The following HCLS1 variants were observed in gnomAD, a reference collection of about 807,000 sequenced individuals.
HCLS1 encodes the protein hematopoietic cell-specific Lyn substrate 1, also known as hematopoietic lineage cell-specific protein.
Under a neutral mutation model 68.6 loss-of-function variants are expected in HCLS1, and 44 were observed. The observed-to-expected ratio is 0.64, with a 90% confidence interval of 0.50 to 0.82. HCLS1 has a LOEUF of 0.82. Ranked by LOEUF, HCLS1 falls within the 40% of genes least tolerant of loss-of-function variation. HCLS1 has a pLI of 0.00. For missense variants in HCLS1, 602 were observed against 612.1 expected (o/e 0.98, Z 0.17); for synonymous variants, 217 against 225.8 (o/e 0.96, Z 0.35).
intron 8 of HCLS1, 35 bp from the exon 9 acceptor site, chr3:121,635,839 G>A (rs1560137746): frequency 6.3e-7 from 1 of 1,582,784 alleles, no homozygotes; most frequent in East Asian, 2.2e-5. Flanking sequence ...TGTTGCGGGA[G>A]AGGGGCAAGG....
At chr3:121,632,311 G>C in intron 12 of HCLS1, 21 bp downstream of exon 12, 3 of 1,611,476 alleles carry the variant, frequency 1.9e-6, no homozygotes, top group Non-Finnish European at 2.5e-6. Flanking sequence ...AAATTCTCCT[G>C]CTTCTCCTCC....
At chr3:121,657,660 A>T (rs11720859) in intron 2 of HCLS1, among the ~76,000 whole-genome samples, 33,412 of 151,868 alleles carry the variant, frequency 0.22, 4,214 homozygotes, top group Non-Finnish European at 0.29. Context: ...TACCAAAAAA[A>T]TACAAAAATT....
chr3:121,644,977 A>G (rs2049232896), intron 4 of HCLS1, 49 bp from the exon 5 acceptor site: 1 of 1,402,516 alleles, frequency 7.1e-7, no homozygotes. Flanking sequence ...AATGACCTTA[A>G]AAAAATAAAT....
chr3:121,644,560 C>T (rs1329789150), intron 5 of HCLS1: 9 of 593,812 alleles, frequency 1.5e-5, no homozygotes, highest in African/African-American at 1.3e-4. Flanking sequence ...AAACCAGTGG[C>T]TTGAGGAATT....
intron 2 of HCLS1, chr3:121,657,996 A>C (rs1576222928): frequency 2.4e-6 from 1 of 416,080 alleles, no homozygotes; most frequent in Non-Finnish European, 4.4e-6. Flanking sequence ...ACCCAGGTTC[A>C]CCTGCTTCTC....
At chr3:121,655,365 C>T (rs944923149) in intron 3 of HCLS1, 5 of 151,574 alleles carry the variant, frequency 3.3e-5, no homozygotes. Context: ...CTAAGTACTG[C>T]ATTAGACATT....
chr3:121,644,972 C>A (rs1351081399), intron 4 of HCLS1, 44 bp from the exon 5 acceptor site: 2 of 1,453,992 alleles, frequency 1.4e-6, no homozygotes, highest in East Asian at 2.3e-5. Flanking sequence ...ATAAAAATGA[C>A]CTTAAAAAAA....
intron 6 of HCLS1, among the ~76,000 whole-genome samples, chr3:121,637,935 C>CAA (rs879943041): frequency 2.6e-5 from 3 of 116,488 alleles, no homozygotes; most frequent in South Asian, 2.6e-4. Flanking sequence ...GACTCCATCT[C>CAA]AAAAAAAAAA....
At chr3:121,644,599 T>G (rs1412064996) in intron 5 of HCLS1, 1 of 668,724 alleles carries the variant, frequency 1.5e-6, no homozygotes, top group South Asian at 1.5e-5. Context: ...TTTGAGAGTC[T>G]TCTCCTATTT....
At chr3:121,633,472 T>C (rs2049119738) in intron 10 of HCLS1, among the ~76,000 whole-genome samples, 1 of 152,242 alleles carries the variant, frequency 6.6e-6, no homozygotes, top group Non-Finnish European at 1.5e-5. Flanking sequence ...TCTGTCTGCC[T>C]TGACCTCCCA....
intron 6 of HCLS1, among the ~76,000 whole-genome samples, chr3:121,638,462 C>T (rs1422531274): frequency 2.6e-5 from 4 of 152,096 alleles, no homozygotes; most frequent in Non-Finnish European, 5.9e-5. Context: ...AAGCCAGAAA[C>T]GAAGCTCTGT....
intron 3 of HCLS1, chr3:121,654,136 C>T (rs1937811430): frequency 6.6e-6 from 1 of 152,348 alleles, no homozygotes; most frequent in Non-Finnish European, 1.5e-5. Context: ...CCTATGGTCC[C>T]CTGCTCCTGG....
intron 5 of HCLS1, chr3:121,644,553 C>A (rs909822392): frequency 1.2e-5 from 7 of 573,388 alleles, no homozygotes; most frequent in South Asian, 1.1e-4. Context: ...ATAATAAAAA[C>A]CAGTGGCTTG....
intron 3 of HCLS1, chr3:121,654,115 T>G (rs531638081): frequency 6.6e-5 from 10 of 152,498 alleles, no homozygotes; most frequent in Admixed American, 2.0e-4. Flanking sequence ...AGTTCACCCC[T>G]TCTTAGGCAA....
intron 10 of HCLS1, among the ~76,000 whole-genome samples, chr3:121,633,517 C>T (rs1364454413): frequency 1.3e-5 from 2 of 149,858 alleles, no homozygotes; most frequent in East Asian, 2.0e-4. Context: ...CCACCACGCT[C>T]GGCCCATCTT....
At chr3:121,632,656 C>T (rs1213906606) in intron 11 of HCLS1, 93 bp from the exon 12 acceptor site, 12 of 1,036,124 alleles carry the variant, frequency 1.2e-5, no homozygotes, top group Non-Finnish European at 1.4e-5. Flanking sequence ...ACCACCCTGC[C>T]TCTTCTCCCC....
chr3:121,649,633 T>A (rs911290097), intron 3 of HCLS1, among the ~76,000 whole-genome samples: 1 of 152,170 alleles, frequency 6.6e-6, no homozygotes, highest in African/African-American at 2.4e-5. Context: ...ACAAAAATGT[T>A]TTATGTATGG....
chr3:121,657,179 A>ACCCTATCCTTTTCCTCCCTCACCTT, intron 3 of HCLS1, 100 bp downstream of exon 3: 1 of 913,976 alleles, frequency 1.1e-6, no homozygotes. Flanking sequence ...GACATGAACT[A>ACCCTATCCTTTTCCTCCCTCACCTT]CCCTATCCTT....
In HCLS1 at chr3:121,647,197, G is replaced by A; in HGVS notation, c.288+122C>T. Reference sequence around the variant, plus strand: ...GGGGTTTCACCGTGTTAGCCAGGATGGTCTCGATCTCCTAACCTCATGATC... The same window carrying A: ...GGGGTTTCACCGTGTTAGCCAGGATAGTCTCGATCTCCTAACCTCATGATC... On this transcript the variant is annotated intron_variant, in intron 4 of 13. Transcript: ENST00000314583. The A allele has an allele frequency of 1.1e-5, 10 of 908,248 alleles. No individual in the cohort carries two copies. In the South Asian group the frequency reaches 1.5e-4, roughly 14 times the overall value. The allele number at this position is 908,248 out of a possible 1,614,324, so 56.3% of individuals were successfully genotyped here.
Sources: gnomAD v4.1 joint callset for allele counts (sites outside exome capture counted in the v4.1 genomes callset) on GRCh38, gnomAD v4.1.1 for gene constraint, MANE v1.5 for transcripts, NCBI Gene and HGNC (gene_info 2026-07-23, HGNC 2026-07-21) for gene names.